NCKAP5: variants seen among roughly 807,000 people sequenced by gnomAD.
NCKAP5 encodes the protein NCK associated protein 5.
NCKAP5 carries 92 observed loss-of-function variants against 167.0 expected under a neutral mutation model. The ratio of observed to expected loss-of-function variants is 0.55; its 90% CI spans 0.47 to 0.66. The LOEUF (loss-of-function observed/expected upper bound fraction) is 0.66, where lower values mean the gene tolerates loss of function less well. NCKAP5 is among the 30% of genes least tolerant of loss of function. The probability of loss-of-function intolerance (pLI) is 0.00; values close to 1 mark genes in which losing one functional copy is unlikely to be tolerated. For missense variants in NCKAP5, 2,378 were observed against 2,315.0 expected (o/e 1.03, Z -0.56); for synonymous variants, 891 against 877.4 (o/e 1.02, Z -0.27).
rs553355217 is a variant in NCKAP5, at chr2:133,194,047, C to T, written c.207+19669G>A. Among the ~76,000 whole-genome samples, 14 of 152,178 alleles carry T rather than the reference C, an allele frequency of 9.2e-5. No homozygotes were observed. In the East Asian group the frequency reaches 2.1e-3, roughly 23 times the overall value. ...AAATATACATTGATATGCATAAGTG[C>T]ATATGCGTATACATGCATATACATA... On this transcript the variant is annotated intron_variant, in intron 5 of 19. Coordinates refer to ENST00000409261, the MANE Select transcript of NCKAP5 (RefSeq NM_207363.3).
Position 133,138,634 on chromosome 2 carries a change from C to T in NCKAP5, c.208-8523G>A, listed in dbSNP as rs574721164. Among the ~76,000 whole-genome samples, 4 of 152,276 alleles carry T rather than the reference C, an allele frequency of 2.6e-5. No individual in the cohort carries two copies. The East Asian group carries it at 7.7e-4, about 29-fold the overall frequency. ...TTGATAAGTGACCTTGGGAAATATA[C>T]TTACTGTCTCCGGACCTACTTCTAA... is the stretch of plus-strand genomic sequence containing the variant. On this transcript the variant is annotated intron_variant, in intron 5 of 19. Coordinates refer to ENST00000409261, the MANE Select transcript of NCKAP5 (RefSeq NM_207363.3).
At chr2:133,493,442 C>G (rs953096069) in intron 3 of NCKAP5, among the ~76,000 whole-genome samples, 3 of 152,184 alleles carry the variant, frequency 2.0e-5, no homozygotes, top group Admixed American at 6.5e-5. Flanking sequence ...CATATGAAAA[C>G]TGGTAATAGT....
At chr2:132,996,768 A>G (rs1559033188) in intron 6 of NCKAP5, among the ~76,000 whole-genome samples, 2 of 152,166 alleles carry the variant, frequency 1.3e-5, no homozygotes, top group African/African-American at 4.8e-5. Context: ...TTGCTAATTC[A>G]TTTTTTAAAG....
At chr2:132,974,815 T>C (rs1331590977) in intron 7 of NCKAP5, among the ~76,000 whole-genome samples, 1 of 152,218 alleles carries the variant, frequency 6.6e-6, no homozygotes, top group African/African-American at 2.4e-5. Context: ...ACTAGCAGAA[T>C]AGTTTTAACA....
At chr2:133,567,656 C>CCT (rs749399031) in intron 1 of NCKAP5, among the ~76,000 whole-genome samples, 16,390 of 72,302 alleles carry the variant, frequency 0.23, 1,119 homozygotes, top group Non-Finnish European at 0.27. Flanking sequence ...GATGAATGAG[C>CCT]CTGTGTGTGT....
intron 1 of NCKAP5, among the ~76,000 whole-genome samples, chr2:133,567,812 G>T: frequency 6.6e-6 from 1 of 152,030 alleles, no homozygotes; most frequent in East Asian, 1.9e-4. Flanking sequence ...GGTTCTCCCT[G>T]CAGTGTACCA....
intron 3 of NCKAP5, among the ~76,000 whole-genome samples, chr2:133,330,235 AT>A (rs1293926761): frequency 2.3e-5 from 2 of 87,952 alleles, no homozygotes; most frequent in African/African-American, 9.5e-5. Flanking sequence ...CAGCTACTTT[AT>A]TTTTTGTATT....
chr2:132,767,923 C>A (rs537881953), intron 16 of NCKAP5, among the ~76,000 whole-genome samples: 1 of 152,226 alleles, frequency 6.6e-6, no homozygotes, highest in Non-Finnish European at 1.5e-5. Context: ...CAGACAACTT[C>A]TCAGAGCTAT....
At chr2:133,563,564 T>TAAAAAAAAAAAAAAAAAA (rs57901498) in intron 1 of NCKAP5, among the ~76,000 whole-genome samples, 1 of 53,014 alleles carries the variant, frequency 1.9e-5, no homozygotes, top group Non-Finnish European at 3.3e-5. Context: ...AAAGACTCCA[T>TAAAAAAAAAAAAAAAAAA]AAAAAAAAAA....
chr2:133,552,012 C>T (rs1047712628), intron 2 of NCKAP5, among the ~76,000 whole-genome samples: 8 of 131,072 alleles, frequency 6.1e-5, no homozygotes, highest in African/African-American at 6.2e-5. Context: ...CATCACTGGC[C>T]ATCAGGGAAA....
At chr2:132,971,237 G>C (rs1046460328) in intron 7 of NCKAP5, among the ~76,000 whole-genome samples, 1 of 152,140 alleles carries the variant, frequency 6.6e-6, no homozygotes, top group African/African-American at 2.4e-5. Context: ...AGATAATAGA[G>C]CGATATAAAT....
chr2:133,466,510 T>C (rs1455062850), intron 3 of NCKAP5, among the ~76,000 whole-genome samples: 4 of 149,330 alleles, frequency 2.7e-5, no homozygotes, highest in African/African-American at 9.8e-5. Flanking sequence ...TTTGGTTCCA[T>C]ATGAACTTTA....
intron 2 of NCKAP5, chr2:133,556,968 C>G (rs1687783079): frequency 6.6e-6 from 1 of 152,128 alleles, no homozygotes; most frequent in Non-Finnish European, 1.5e-5. Context: ...GACAATGAGA[C>G]AATGAGAAAG....
chr2:132,732,221 T>C (rs1000724929), intron 16 of NCKAP5, among the ~76,000 whole-genome samples, 170 bp from the exon 17 acceptor site: 3 of 144,950 alleles, frequency 2.1e-5, no homozygotes, highest in Admixed American at 7.4e-5. Flanking sequence ...TTGTTCTCAC[T>C]CATAGGTGGG....
chr2:133,381,487 T>C (rs1016523496), intron 3 of NCKAP5: 3 of 152,256 alleles, frequency 2.0e-5, no homozygotes, highest in Admixed American at 6.5e-5. Flanking sequence ...CTGCTCCCTC[T>C]ATCCAGAAAT....
Position 132,673,319 on chromosome 2 carries a change from A to C in NCKAP5, c.5714-14T>G. 7.0e-7 allele frequency: 1 copy of C among 1,433,196 alleles called. No individual in the cohort carries two copies. Among genetic ancestry groups the C allele is most frequent in the Non-Finnish European group, 9.5e-7 (1 of 1,057,610 alleles). 88.8% of individuals were successfully genotyped at this position (1,433,196 alleles called of 1,614,324 possible). A position where few individuals can be genotyped will look rare whatever the true frequency, so the allele number is the denominator to read the frequency against. ...TTGTCTCAATTTCTGCAATAAAAAG[A>C]AGAAAATATTAGAAACATATTTCTT... is the stretch of plus-strand genomic sequence containing the variant. On this transcript the variant is annotated splice_polypyrimidine_tract_variant and intron_variant, in intron 19 of 19. Coordinates refer to ENST00000409261, the MANE Select transcript of NCKAP5 (RefSeq NM_207363.3).
chr2:133,468,585 T>C (rs1239846819), intron 3 of NCKAP5, among the ~76,000 whole-genome samples: 2 of 152,176 alleles, frequency 1.3e-5, no homozygotes, highest in African/African-American at 4.8e-5. Flanking sequence ...TCTGTCTCGT[T>C]GATCTGTCTA....
At chr2:133,629,525 T>C in the NCKAP5 span, among the ~76,000 whole-genome samples, 2 of 152,176 alleles carry the variant, frequency 1.3e-5, no homozygotes, top group Non-Finnish European at 2.9e-5. Flanking sequence ...TTTTACACTC[T>C]TGGTGGGAAT....
At chr2:133,309,214 CTA>C (rs1216444399) in intron 3 of NCKAP5, among the ~76,000 whole-genome samples, 1 of 151,816 alleles carries the variant, frequency 6.6e-6, no homozygotes, top group Non-Finnish European at 1.5e-5. Flanking sequence ...TTTTCTTTGT[CTA>C]TAGTTTTACA....
Sources: gnomAD v4.1 joint callset for allele counts (sites outside exome capture counted in the v4.1 genomes callset) on GRCh38, gnomAD v4.1.1 for gene constraint, MANE v1.5 for transcripts, NCBI Gene and HGNC (gene_info 2026-07-23, HGNC 2026-07-21) for gene names.